CDH15: variants seen among roughly 807,000 people sequenced by gnomAD.
The protein encoded by CDH15 is cadherin-15.
In CDH15, 73 loss-of-function variants were observed where a neutral mutation model predicts 69.4. The ratio of observed to expected loss-of-function variants is 1.05; its 90% confidence interval spans 0.87 to 1.28. The LOEUF is 1.28. Ranked by LOEUF, CDH15 falls within the 50% of genes most tolerant of loss-of-function variation. The pLI, the probability that CDH15 is intolerant of heterozygous loss-of-function variation, is 0.00. For missense variants in CDH15, 1,343 were observed against 1,133.6 expected, an observed-to-expected ratio of 1.18 and a Z score of -2.65; for synonymous variants, 624 against 507.7, an observed-to-expected ratio of 1.23 and a Z score of -3.08.
chr16:89,185,403 C>T lies in CDH15; in HGVS notation c.663+70C>T, dbSNP rs1249021250. 4 of 1,484,478 alleles carry T rather than the reference C, an allele frequency of 2.7e-6. No individual in the cohort carries two copies. In the African/African-American group the frequency reaches 4.2e-5, roughly 15 times the overall value. The allele number at this position is 1,484,478 out of a possible 1,614,324, so 92.0% of individuals were successfully genotyped here. A position where few individuals can be genotyped will look rare whatever the true frequency, so the allele number is the denominator to read the frequency against. On this transcript the variant is annotated intron_variant, in intron 5 of 13. Transcript: ENST00000289746. ...GCCCATCTCCTGCGGGTCCCTCTGC[C>T]CCCAGCCTGCCCACCCCAGACGCTC...
intron 1 of CDH15, among the ~76,000 whole-genome samples, chr16:89,176,301 C>G (rs1383654561): frequency 6.6e-6 from 1 of 152,160 alleles, no homozygotes; most frequent in Admixed American, 6.5e-5. Context: ...GGCATTGGCA[C>G]GGGGCTGAGG....
Position 89,193,883 on chromosome 16 carries a change from C to T in CDH15, c.2121C>T (p.Ser707=), listed in dbSNP as rs768788248. 4.3e-6 allele frequency: 7 copies of T among 1,612,138 alleles called. No homozygotes were observed. The highest frequency in any genetic ancestry group is 5.1e-6 in the Non-Finnish European group (6 of 1,179,798). ...HPQPPRVLPT[S]PLDIADFIND... The stretch of plus-strand genomic sequence containing the variant: ...AGCCACCCCGAGTGCTGCCCACCAG[C>T]CCCCTGGACATCGCCGACTTCATCA... The change falls in exon 13 of 14, where the codon AGC becomes AGT. Residue 707 remains serine (S), a synonymous_variant. Transcript: ENST00000289746.
chr16:89,183,664 TGGCCGCGTGCTGGAG>T lies in CDH15; in HGVS notation c.477_491del (p.Arg160_Gly164del). ...CAGCCTTCCTGCAGGAGGCGTTCAC[TGGCCGCGTGCTGGAG>T]GGTGCAGTCCCAGGTGAGACAGGAC... On this transcript the variant is annotated inframe_deletion, in exon 4 of 14. Coordinates refer to ENST00000289746, the MANE Select transcript of CDH15 (RefSeq NM_004933.3). 6.2e-7 allele frequency: 1 copy of T among 1,610,598 alleles called. No individual in the cohort carries two copies. The highest frequency in any genetic ancestry group is 8.5e-7 in the Non-Finnish European group (1 of 1,178,478).
At chr16:89,191,997 T>C in intron 10 of CDH15, 103 bp downstream of exon 10, 1 of 1,260,580 alleles carries the variant, frequency 7.9e-7, no homozygotes, top group Admixed American at 2.1e-5. Context: ...TGCAAACCCG[T>C]GGTCCTGCAA....
chr16:89,175,616 C>T (rs1915241444), intron 1 of CDH15, among the ~76,000 whole-genome samples: 1 of 152,152 alleles, frequency 6.6e-6, no homozygotes, highest in Admixed American at 6.5e-5. Context: ...GGAAACAGAC[C>T]CTGTGCCCAC....
At chr16:89,182,411 C>T (rs189872062) in intron 3 of CDH15, among the ~76,000 whole-genome samples, 3 of 150,238 alleles carry the variant, frequency 2.0e-5, no homozygotes, top group Non-Finnish European at 3.0e-5. Flanking sequence ...GAGGCCGAGG[C>T]GAGTGGATCA....
At chr16:89,176,036 C>G (rs1915248702) in intron 1 of CDH15, among the ~76,000 whole-genome samples, 1 of 152,248 alleles carries the variant, frequency 6.6e-6, no homozygotes, top group South Asian at 2.1e-4. Context: ...TCAGGGTGGG[C>G]AGATGGGCAG....
At position 89,190,270 on chromosome 16, in the gene CDH15, T is replaced by G. The variant is rs765447950; in HGVS notation, c.1006T>G (p.Tyr336Asp). 3 of 1,612,736 alleles carry G rather than the reference T, an allele frequency of 1.9e-6. No individual in the cohort carries two copies. Among genetic ancestry groups the G allele is most frequent in the South Asian group, 1.1e-5 (1 of 90,960 alleles). The change falls in exon 8 of 14, where the codon TAC becomes GAC. Residue 336 changes from tyrosine (Y) to aspartate (D), a missense_variant. Transcript: ENST00000289746. ...CCTGGACTATGAGAGCTGTGAACACTACGAACTCAAAGTGTCGGTGCAGAA... is the reference window on the plus strand; with the variant it reads ...CCTGGACTATGAGAGCTGTGAACACGACGAACTCAAAGTGTCGGTGCAGAA... ...KALDYESCEHYELKVSVQNEA... is the reference protein window; with the variant it reads ...KALDYESCEHDELKVSVQNEA...
At chr16:89,188,361 C>T (rs948508714) in intron 7 of CDH15, 76 bp downstream of exon 7, 9 of 1,109,358 alleles carry the variant, frequency 8.1e-6, no homozygotes, top group African/African-American at 1.5e-5. Flanking sequence ...CACACAGATG[C>T]CGGCACACAC....
rs1349758479 is a variant in CDH15 at position 89,193,506 on chromosome 16, G to C, written c.1892G>C (p.Trp631Ser). ...VLLVALRARFWKQSRGKGLLH... is the reference protein window; with the variant it reads ...VLLVALRARFSKQSRGKGLLH... ...CTCGTGGCACTCCGGGCGCGGTTCTGGAAGCAGTCTCGGGGCAAGGGGCTG... is the reference window on the plus strand; with the variant it reads ...CTCGTGGCACTCCGGGCGCGGTTCTCGAAGCAGTCTCGGGGCAAGGGGCTG... Residue 631 changes from tryptophan to serine, a missense_variant, in exon 12 of 14, where the codon TGG (tryptophan) becomes TCG (serine). Trp to Ser is a radical substitution (Grantham distance 177). Transcript: ENST00000289746. 3 of 1,612,076 alleles carry C rather than the reference G, an allele frequency of 1.9e-6. No homozygotes were observed. The East Asian group carries it at 6.7e-5, about 36-fold the overall frequency.
rs747009056 is a variant in CDH15, at chr16:89,190,426, G to C, written c.1162G>C (p.Ala388Pro). The C allele has an allele frequency of 6.2e-7, 1 of 1,609,772 alleles. No individual in the cohort carries two copies. The highest frequency in any genetic ancestry group is 1.3e-5 in the African/African-American group (1 of 74,928). The change falls in exon 8 of 14, where the codon GCA becomes CCA. Residue 388 changes from alanine to proline, a missense_variant. By Grantham distance (27) the Ala-to-Pro change is conservative (BLOSUM62 -1). Coordinates refer to ENST00000289746, the MANE Select transcript of CDH15 (RefSeq NM_004933.3). The stretch of plus-strand genomic sequence containing the variant: ...ACTTCGGACCAGCCTAGCAGAGGGG[G>C]CACCCCCAGGCACTCTGGTGGCCAC... ...NPLRTSLAEGAPPGTLVATFS... is the reference protein window; with the variant it reads ...NPLRTSLAEGPPPGTLVATFS...
chr16:89,191,250 A>C (rs970350730), intron 8 of CDH15, 80 bp from the exon 9 acceptor site: 1 of 1,520,570 alleles, frequency 6.6e-7, no homozygotes, highest in Non-Finnish European at 9.1e-7. Context: ...TGTGCAGTGC[A>C]TGTCACGCAC....
At chr16:89,180,616 AG>A (rs1432864441) in intron 3 of CDH15, among the ~76,000 whole-genome samples, 3 of 152,372 alleles carry the variant, frequency 2.0e-5, no homozygotes, top group Middle Eastern at 3.4e-3. Context: ...TGGTTCTGCC[AG>A]GGAGGAGCAT....
chr16:89,190,315 G>A lies in CDH15; in HGVS notation c.1051G>A (p.Ala351Thr), dbSNP rs1915607675. The A allele has an allele frequency of 3.7e-6, 6 of 1,612,168 alleles. No homozygotes were observed. Among genetic ancestry groups the A allele is most frequent in the Non-Finnish European group, 5.1e-6 (6 of 1,179,722 alleles). ...SVQNEAPLQAAALRAERGQAK... is the reference protein window; with the variant it reads ...SVQNEAPLQATALRAERGQAK... ...GCAGAATGAGGCCCCGCTGCAGGCG[G>A]CTGCCCTTAGGGCTGAGCGGGGCCA... The change falls in exon 8 of 14, where the codon GCT becomes ACT. Residue 351 changes from alanine to threonine, a missense_variant. Transcript: ENST00000289746.
chr16:89,184,924 C>T (rs1453877935), intron 4 of CDH15, among the ~76,000 whole-genome samples: 3 of 152,256 alleles, frequency 2.0e-5, no homozygotes, highest in Non-Finnish European at 2.9e-5. Context: ...CAAAAGGCTT[C>T]GACCACATAG....
chr16:89,194,306 G>C (rs1915739749), intron 13 of CDH15, among the ~76,000 whole-genome samples: 2 of 152,332 alleles, frequency 1.3e-5, no homozygotes, highest in South Asian at 4.1e-4. Flanking sequence ...CCATCCACAG[G>C]ATGAATGTGC....
At chr16:89,187,373 T>TC in intron 5 of CDH15, 56 bp from the exon 6 acceptor site, 1 of 1,605,694 alleles carries the variant, frequency 6.2e-7, no homozygotes, top group Non-Finnish European at 8.5e-7. Flanking sequence ...CCCTGACCAG[T>TC]CCCCATGTGC....
Position 89,191,910 on chromosome 16 carries a change from C to T in CDH15, c.1615+16C>T, listed in dbSNP as rs758356745. On this transcript the variant is annotated intron_variant, in intron 10 of 13. Transcript: ENST00000289746. ...CAGGTCAACGGTGCGCTCCCCTCAC[C>T]GCCGCGCTCCCCCCATCCCCACGCT... The T allele has an allele frequency of 3.9e-6, 6 of 1,536,602 alleles. No individual in the cohort carries two copies. The highest frequency in any genetic ancestry group is 2.3e-4 in the Middle Eastern group (1 of 4,390).
In CDH15 at chr16:89,182,371, C is replaced by T. The variant is rs184930724; in HGVS notation, c.358-1177C>T. Among the ~76,000 whole-genome samples the T allele has an allele frequency of 7.8e-4, 117 of 149,926 alleles. 3 individuals carry two copies. The highest frequency in any genetic ancestry group is 5.9e-3 in the Admixed American group (88 of 14,846). Reference sequence around the variant, plus strand: ...AAATGTCATTTTGGGCTGGGCACAACGGCTCATGCTTGTAATCCGAGCACT... The same window carrying T: ...AAATGTCATTTTGGGCTGGGCACAATGGCTCATGCTTGTAATCCGAGCACT... On this transcript the variant is annotated intron_variant, in intron 3 of 13. Transcript: ENST00000289746.
Sources: gnomAD v4.1 joint callset for allele counts (sites outside exome capture counted in the v4.1 genomes callset) on GRCh38, gnomAD v4.1.1 for gene constraint, MANE v1.5 for transcripts, NCBI Gene and HGNC (gene_info 2026-07-23, HGNC 2026-07-21) for gene names.